The following NSUN6 variants were observed in gnomAD, a reference collection of about 807,000 sequenced individuals.
NSUN6 encodes the protein tRNA (cytosine(72)-C(5))-methyltransferase NSUN6.
NSUN6 carries 64 observed loss-of-function variants against 58.0 expected under a neutral mutation model. That is an observed-to-expected ratio of 1.10 (90% CI 0.90 to 1.36). The LOEUF (loss-of-function observed/expected upper bound fraction) is 1.36. Ranked by LOEUF, NSUN6 falls within the 40% of genes most tolerant of loss-of-function variation. NSUN6 has a pLI of 0.00. For synonymous variants in NSUN6, 231 were observed against 193.9 expected, an observed-to-expected ratio of 1.19 and a Z score of -1.59; for missense variants, 701 against 550.1, an observed-to-expected ratio of 1.27 and a Z score of -2.74.
Position 18,567,753 on chromosome 10 carries a change from TTTCTCCATTTCATTCCA to T in NSUN6, c.923-15799_923-15783del, listed in dbSNP as rs1231776211. On this transcript the variant is annotated intron_variant, in intron 8 of 10. Transcript: ENST00000377304. ...TCCATTCTGCATTTCATTCCATTCC[TTTCTCCATTTCATTCCA>T]TTCTCCATTCCATTGCATTCTACAT... Among the ~76,000 whole-genome samples the T allele has an allele frequency of 2.8e-3, 420 of 149,154 alleles. 8 individuals carry two copies. The highest frequency in any genetic ancestry group is 2.4e-3 in the East Asian group (12 of 4,946).
chr10:18,609,620 C>T (rs748522050), intron 6 of NSUN6, among the ~76,000 whole-genome samples: 7 of 151,914 alleles, frequency 4.6e-5, no homozygotes, highest in Non-Finnish European at 8.8e-5. Context: ...TATTAAATCA[C>T]CTTTGGGCAA....
chr10:18,625,937 A>C (rs2058785560), intron 3 of NSUN6, among the ~76,000 whole-genome samples: 1 of 152,006 alleles, frequency 6.6e-6, no homozygotes, highest in Non-Finnish European at 1.5e-5. Context: ...CAATGTCTAC[A>C]AAGTGCTAAG....
At chr10:18,559,975 T>C (rs1187985459) in intron 8 of NSUN6, among the ~76,000 whole-genome samples, 1 of 145,586 alleles carries the variant, frequency 6.9e-6, no homozygotes, top group Non-Finnish European at 1.5e-5. Flanking sequence ...TGGAATGGAA[T>C]GGAGAATCGA....
chr10:18,652,052 G>A (rs2059719275), upstream of NSUN6: 1 of 985,368 alleles, frequency 1.0e-6, no homozygotes, highest in Non-Finnish European at 1.2e-6. Context: ...CAGTTGTGAA[G>A]TTCATAGGGT....
chr10:18,600,468 A>T (rs1191658014), intron 6 of NSUN6, among the ~76,000 whole-genome samples: 1 of 152,068 alleles, frequency 6.6e-6, no homozygotes, highest in Non-Finnish European at 1.5e-5. Context: ...CTATAAAAAA[A>T]TAAAAAATTG....
intron 6 of NSUN6, among the ~76,000 whole-genome samples, chr10:18,600,992 A>ATG (rs2057816489): frequency 7.5e-6 from 1 of 133,632 alleles, no homozygotes; most frequent in South Asian, 2.3e-4. Context: ...ATATATATAT[A>ATG]TTATATACTA....
chr10:18,559,763 G>A (rs565435888), intron 8 of NSUN6, among the ~76,000 whole-genome samples: 1 of 150,362 alleles, frequency 6.7e-6, no homozygotes, highest in African/African-American at 2.4e-5. Flanking sequence ...GAGAATGGAA[G>A]GGAATGGAAT....
intron 9 of NSUN6, 45 bp downstream of exon 9, chr10:18,551,778 G>C (rs538856389): frequency 1.3e-6 from 2 of 1,569,522 alleles, no homozygotes; most frequent in Non-Finnish European, 1.7e-6. Flanking sequence ...AAACATCAAA[G>C]TAGCAAAAGT....
rs191165106 is a variant in NSUN6, at chr10:18,575,055, A to G, written c.922+10894T>C. ...GAAAAACTAATAAAAATAGGCGCTA[A>G]AGAGAATTCAGAATGAAAATGGATA... On this transcript the variant is annotated intron_variant, in intron 8 of 10. Transcript: ENST00000377304. Among the ~76,000 whole-genome samples the G allele has an allele frequency of 5.9e-5, 9 of 152,250 alleles. No individual in the cohort carries two copies. In the East Asian group the frequency reaches 1.7e-3, roughly 29 times the overall value.
chr10:18,546,958 A>G (rs2054306873), intron 10 of NSUN6, among the ~76,000 whole-genome samples: 1 of 152,054 alleles, frequency 6.6e-6, no homozygotes, highest in South Asian at 2.1e-4. Context: ...AAAAGAAAAA[A>G]GAAAAAAGAA....
intron 8 of NSUN6, among the ~76,000 whole-genome samples, chr10:18,557,243 T>A (rs975585038): frequency 6.6e-6 from 1 of 150,782 alleles, no homozygotes; most frequent in Non-Finnish European, 1.5e-5. Flanking sequence ...GAGAATGGAA[T>A]TGAATGCAGA....
chr10:18,652,313 C>G, upstream of NSUN6: 1 of 984,358 alleles, frequency 1.0e-6, no homozygotes, highest in Middle Eastern at 5.2e-4. Context: ...TATAACTGTA[C>G]AGGAAAGTCA....
chr10:18,546,033 T>C lies in NSUN6; in HGVS notation c.1310A>G (p.Asp437Gly). 6.3e-7 allele frequency: 1 copy of C among 1,594,820 alleles called. No individual in the cohort carries two copies. ...SAVPLPDTDM[D>G]SLREARREDM... is the part of the protein sequence containing the mutation. ...TTCTCTTCTGGCCTCTCTAAGAGAGTCCATGTCAGTGTCCGGTAATGGCAC... is the reference window on the plus strand; with the variant it reads ...TTCTCTTCTGGCCTCTCTAAGAGAGCCCATGTCAGTGTCCGGTAATGGCAC... The change falls in exon 11 of 11, where the codon GAC (aspartate) becomes GGC (glycine). Residue 437 changes from aspartate to glycine, a missense_variant. Asp to Gly is a moderately conservative substitution (Grantham distance 94). Coordinates refer to ENST00000377304, the MANE Select transcript of NSUN6 (RefSeq NM_182543.5).
intron 8 of NSUN6, among the ~76,000 whole-genome samples, chr10:18,557,334 T>C (rs1214973307): frequency 6.9e-6 from 1 of 144,548 alleles, no homozygotes; most frequent in Non-Finnish European, 1.5e-5. Flanking sequence ...AATGCAGTGG[T>C]GAACAGAATG....
chr10:18,600,959 T>TATATATAC lies in NSUN6; in HGVS notation c.658-4633_658-4632insGTATATAT. ...AAAAAAAAATATATATATATATATA[T>TATATATAC]ACATATATATATATATATGTATATA... On this transcript the variant is annotated intron_variant, in intron 6 of 10. Transcript: ENST00000377304. Among the ~76,000 whole-genome samples the TATATATAC allele has an allele frequency of 2.9e-4, 19 of 64,950 alleles. 1 individual carries two copies. Among genetic ancestry groups the TATATATAC allele is most frequent in the South Asian group, 2.7e-3 (5 of 1,842 alleles). 42.6% of individuals were successfully genotyped at this position (64,950 alleles called of 152,430 possible).
chr10:18,577,298 A>C (rs1296853818), intron 8 of NSUN6, among the ~76,000 whole-genome samples: 1 of 152,224 alleles, frequency 6.6e-6, no homozygotes, highest in African/African-American at 2.4e-5. Flanking sequence ...AGGCATTGCA[A>C]GGTCTGACTG....
chr10:18,652,466 G>A, upstream of NSUN6: 1 of 983,250 alleles, frequency 1.0e-6, no homozygotes, highest in Non-Finnish European at 1.2e-6. Context: ...CATAGAACAG[G>A]TACTTTCCAT....
Position 18,636,821 on chromosome 10 carries a change from G to C in NSUN6, c.311+5655C>G, listed in dbSNP as rs12247548. Among the ~76,000 whole-genome samples, 756 of 151,578 alleles carry C rather than the reference G, an allele frequency of 5.0e-3. 4 individuals are homozygous for C. The highest frequency in any genetic ancestry group is 8.3e-3 in the Non-Finnish European group (562 of 67,916). On this transcript the variant is annotated intron_variant, in intron 3 of 10. Coordinates refer to ENST00000377304, the MANE Select transcript of NSUN6 (RefSeq NM_182543.5). The stretch of plus-strand genomic sequence containing the variant: ...GCAGAACTGCTTGAACCTGGGAGGC[G>C]GAGCTTACAATGAACCAAGGTCACT...
At chr10:18,603,399 A>G (rs1472299427) in intron 6 of NSUN6, among the ~76,000 whole-genome samples, 2 of 152,314 alleles carry the variant, frequency 1.3e-5, no homozygotes, top group African/African-American at 2.4e-5. Context: ...TCTCTGCTCA[A>G]TGGAATGTAC....
Sources: allele counts gnomAD v4.1 joint callset (sites outside exome capture counted in the v4.1 genomes callset), GRCh38; gene constraint gnomAD v4.1.1; transcripts MANE v1.5; gene names NCBI Gene and HGNC (gene_info 2026-07-23, HGNC 2026-07-21).